Variants in SPAG9 observed in about 807,000 individuals in gnomAD.
SPAG9 encodes sperm associated antigen 9, also known as C-Jun-amino-terminal kinase-interacting protein 4.
Under a neutral mutation model 166.5 loss-of-function variants are expected in SPAG9, and 35 were observed. The observed-to-expected ratio is 0.21, with a 90% CI of 0.16 to 0.28. The LOEUF is 0.28. SPAG9 is among the 10% of genes least tolerant of loss of function. The probability of loss-of-function intolerance (pLI) is 1.00; values close to 1 mark genes in which losing one functional copy is unlikely to be tolerated. For missense variants in SPAG9, 1,235 were observed against 1,603.3 expected, an observed-to-expected ratio of 0.77 and a Z score of 3.92; for synonymous variants, 534 against 565.5, an observed-to-expected ratio of 0.94 and a Z score of 0.79.
At chr17:51,034,593 T>C (rs1296107798) in intron 5 of SPAG9, among the ~76,000 whole-genome samples, 2 of 152,166 alleles carry the variant, frequency 1.3e-5, no homozygotes, top group Non-Finnish European at 2.9e-5. Flanking sequence ...TATATGTATA[T>C]ATCCCTTGAA....
intron 2 of SPAG9, among the ~76,000 whole-genome samples, chr17:51,064,027 A>G (rs1049136451): frequency 2.0e-5 from 3 of 152,236 alleles, no homozygotes; most frequent in Non-Finnish European, 2.9e-5. Context: ...ATCCTCTAGC[A>G]TAAGTATCAT....
At chr17:51,072,176 A>G (rs943783889) in intron 2 of SPAG9, among the ~76,000 whole-genome samples, 7 of 151,814 alleles carry the variant, frequency 4.6e-5, no homozygotes, top group Non-Finnish European at 7.4e-5. Flanking sequence ...GGTTAAAGCA[A>G]TTCTCCTGCC....
chr17:50,970,765 C>A lies in SPAG9; in HGVS notation c.3792G>T (p.Thr1264=), dbSNP rs112947211. ...GPSAQEPGSQ[T]PLKSMLVISG... is the part of the protein sequence containing the mutation. Reference sequence around the variant, plus strand: ...TGATGACAAGCATAGACTTCAAGGGCGTCTGACTACCAGGCTCCTGTGCAG... The same window carrying A: ...TGATGACAAGCATAGACTTCAAGGGAGTCTGACTACCAGGCTCCTGTGCAG... The change falls in exon 29 of 30, where the codon ACG becomes ACT. Residue 1264 remains threonine (T), a synonymous_variant. Transcript: ENST00000262013. 3 of 1,613,954 alleles carry A rather than the reference C, an allele frequency of 1.9e-6. No individual in the cohort carries two copies. The African/African-American group carries it at 4.0e-5, about 22-fold the overall frequency.
intron 8 of SPAG9, among the ~76,000 whole-genome samples, chr17:51,015,700 A>C (rs2045668341): frequency 6.6e-6 from 1 of 150,890 alleles, no homozygotes; most frequent in Admixed American, 6.7e-5. Flanking sequence ...CCAACCAATA[A>C]AAAGAATTTG....
chr17:51,026,337 A>AT (rs1284587257), intron 6 of SPAG9, among the ~76,000 whole-genome samples: 1 of 151,636 alleles, frequency 6.6e-6, no homozygotes, highest in Admixed American at 6.6e-5. Context: ...AAAAAAAAAA[A>AT]AAAAAAAATA....
intron 2 of SPAG9, among the ~76,000 whole-genome samples, chr17:51,077,081 T>TAG (rs1568065735): frequency 3.4e-4 from 37 of 109,662 alleles, no homozygotes; most frequent in Non-Finnish European, 1.5e-4. Context: ...TATCTAGCTA[T>TAG]CTAGCTAGCT....
chr17:51,058,191 T>C (rs1325862382), intron 2 of SPAG9, among the ~76,000 whole-genome samples: 1 of 152,224 alleles, frequency 6.6e-6, no homozygotes, highest in Non-Finnish European at 1.5e-5. Flanking sequence ...TGCTCAATAG[T>C]AGAGCCTTAT....
chr17:51,095,724 A>G (rs2144709409), intron 1 of SPAG9, among the ~76,000 whole-genome samples: 1 of 148,316 alleles, frequency 6.7e-6, no homozygotes, highest in South Asian at 2.1e-4. Flanking sequence ...ATATATACAT[A>G]TAGTGATATA....
intron 6 of SPAG9, among the ~76,000 whole-genome samples, chr17:51,025,272 TG>T (rs1275631594): frequency 7.6e-6 from 1 of 131,266 alleles, no homozygotes; most frequent in Non-Finnish European, 1.5e-5. Flanking sequence ...GAGCCAAAAT[TG>T]TGCCACCACA....
At chr17:50,990,196 T>C in intron 20 of SPAG9, 1 of 516,684 alleles carries the variant, frequency 1.9e-6, no homozygotes, top group South Asian at 2.1e-5. Context: ...CCCGGTTAAT[T>C]TTTTGTACTT....
intron 8 of SPAG9, among the ~76,000 whole-genome samples, chr17:51,017,536 G>C (rs1216655206): frequency 6.6e-6 from 1 of 152,032 alleles, no homozygotes; most frequent in Non-Finnish European, 1.5e-5. Context: ...GAGAGAGAGA[G>C]AGAGAGAGAG....
intron 15 of SPAG9, among the ~76,000 whole-genome samples, chr17:50,998,188 C>T (rs1041710595): frequency 5.3e-5 from 8 of 151,792 alleles, no homozygotes; most frequent in African/African-American, 1.7e-4. Flanking sequence ...CACACCACCA[C>T]GCCCAGCTAA....
At position 51,041,515 on chromosome 17, in the gene SPAG9, G is replaced by T. The variant is rs34733235; in HGVS notation, c.727C>A (p.His243Asn). The change falls in exon 5 of 30, where the codon CAT becomes AAT. Residue 243 changes from histidine (H) to asparagine (N), a missense_variant. By Grantham distance (68) the His-to-Asn change is moderately conservative (BLOSUM62 1). This residue lies in a region of SPAG9 where 288 missense variants were observed against 323.7 expected (regional missense o/e 0.89). Coordinates refer to ENST00000262013, the MANE Select transcript of SPAG9 (RefSeq NM_001130528.3). The part of the protein sequence containing the change: ...KFQELSQPRS[H>N]TSLKVSNSPE... ...ATAAAGCTTACCTTCAGGCTGGTATGAGAACGTGGTTGACTTAATTCCTGA... is the reference window on the plus strand; with the variant it reads ...ATAAAGCTTACCTTCAGGCTGGTATTAGAACGTGGTTGACTTAATTCCTGA... 1 of 1,613,608 alleles carries T rather than the reference G, an allele frequency of 6.2e-7. No individual in the cohort carries two copies. Among genetic ancestry groups the T allele is most frequent in the East Asian group, 2.2e-5 (1 of 44,878 alleles).
In SPAG9 at chr17:51,052,596, T is replaced by G. The variant is rs1296047227; in HGVS notation, c.495+3816A>C. 1.3e-5 allele frequency among the ~76,000 whole-genome samples: 2 copies of G among 152,064 alleles called. 1 individual carries two copies. Among genetic ancestry groups the G allele is most frequent in the African/African-American group, 4.8e-5 (2 of 41,378 alleles). ...TTAAAATTTTTCCTGAGATCTTTTTTTCTTCCTAGACTATCTTTTCCTCAA... is the reference window on the plus strand; with the variant it reads ...TTAAAATTTTTCCTGAGATCTTTTTGTCTTCCTAGACTATCTTTTCCTCAA... On this transcript the variant is annotated intron_variant, in intron 3 of 29. Transcript: ENST00000262013.
intron 1 of SPAG9, among the ~76,000 whole-genome samples, chr17:51,113,388 C>T (rs4793682): frequency 6.9e-6 from 1 of 145,702 alleles, no homozygotes; most frequent in Non-Finnish European, 1.5e-5. Context: ...AAAGAAAAAG[C>T]AAATAGGTTG....
chr17:51,008,625 A>G (rs935924070), intron 9 of SPAG9, among the ~76,000 whole-genome samples: 2 of 152,138 alleles, frequency 1.3e-5, no homozygotes, highest in African/African-American at 2.4e-5. Flanking sequence ...AATGCTACAT[A>G]TTCTGTGTAC....
At chr17:51,089,436 A>C (rs561964150) in intron 1 of SPAG9, among the ~76,000 whole-genome samples, 186 of 151,538 alleles carry the variant, frequency 1.2e-3, no homozygotes, top group South Asian at 7.7e-3. Context: ...AAAAAACAAA[A>C]AAACAAACAA....
In SPAG9 at chr17:51,020,239, T is replaced by G; in HGVS notation, c.1011A>C (p.Glu337Asp). 1 of 1,612,894 alleles carries G rather than the reference T, an allele frequency of 6.2e-7. No individual in the cohort carries two copies. Among genetic ancestry groups the G allele is most frequent in the Non-Finnish European group, 8.5e-7 (1 of 1,178,946 alleles). The stretch of plus-strand genomic sequence containing the variant: ...CGATGATTGCTTGAACTTCTGACTT[T>G]TCTTCATTTTCAGCAGAGCCTTAAA... The part of the protein sequence containing the change: ...NVSTGSAENE[E>D]KSEVQAIIES... Residue 337 changes from glutamate (E) to aspartate (D), a missense_variant, in exon 8 of 30, where the codon GAA becomes GAC. Glu to Asp is a conservative substitution (Grantham distance 45). Transcript: ENST00000262013.
intron 2 of SPAG9, among the ~76,000 whole-genome samples, chr17:51,061,242 G>A (rs1045890694): frequency 3.3e-5 from 5 of 152,050 alleles, no homozygotes; most frequent in African/African-American, 1.2e-4. Context: ...ACAAAACAAA[G>A]TCAGGTCCTG....
Sources: gnomAD v4.1 joint callset for allele counts (sites outside exome capture counted in the v4.1 genomes callset) on GRCh38, gnomAD v4.1.1 for gene constraint, gnomAD v4.1.1 regional missense constraint, MANE v1.5 for transcripts, NCBI Gene and HGNC (gene_info 2026-07-23, HGNC 2026-07-21) for gene names.